The following QTGAL variants were observed in gnomAD, a reference collection of about 807,000 sequenced individuals.
QTGAL encodes BGnT-like protein 1.
At chr17:82,976,105 G>A in the QTGAL span, among the ~76,000 whole-genome samples, 29 of 48,014 alleles carry the variant, frequency 6.0e-4, 3 homozygotes, top group Admixed American at 2.4e-3. Context: ...GACAGAGCCC[G>A]ACTCCATCCT....
chr17:83,031,551 C>A, the QTGAL span, among the ~76,000 whole-genome samples: 2 of 152,228 alleles, frequency 1.3e-5, no homozygotes, highest in Non-Finnish European at 2.9e-5. Flanking sequence ...CACCCCTCTG[C>A]CCCTTAGGAA....
chr17:82,983,279 C>A, the QTGAL span, among the ~76,000 whole-genome samples: 3,609 of 152,268 alleles, frequency 0.024, 156 homozygotes, highest in African/African-American at 0.083. Context: ...GACTCCATCT[C>A]AAAATATATA....
the QTGAL span, among the ~76,000 whole-genome samples, chr17:82,972,488 C>G: frequency 8.4e-6 from 1 of 119,740 alleles, no homozygotes; most frequent in Non-Finnish European, 1.6e-5. Flanking sequence ...CTAGAAGGAC[C>G]TGGTGCCGAC....
chr17:83,009,176 C>T, the QTGAL span, among the ~76,000 whole-genome samples: 1 of 152,184 alleles, frequency 6.6e-6, no homozygotes, highest in African/African-American at 2.4e-5. Flanking sequence ...GTAATCCCAG[C>T]ACTTTGGAAG....
At chr17:83,025,558 C>T in the QTGAL span, among the ~76,000 whole-genome samples, 1 of 100,426 alleles carries the variant, frequency 1.0e-5, no homozygotes, top group Non-Finnish European at 2.2e-5. Context: ...AGTCCACACA[C>T]GGACACCGCG....
At chr17:83,040,843 A>C in the QTGAL span, among the ~76,000 whole-genome samples, 1 of 152,196 alleles carries the variant, frequency 6.6e-6, no homozygotes, top group African/African-American at 2.4e-5. Flanking sequence ...AGGCAGGCGG[A>C]TCACAAGGTC....
chr17:82,976,244 G>A, the QTGAL span, among the ~76,000 whole-genome samples: 1 of 90,214 alleles, frequency 1.1e-5, no homozygotes, highest in East Asian at 3.5e-4. Context: ...ATCCTCCCAG[G>A]GACCAGAGGC....
chr17:83,050,127 T>C, the QTGAL span, among the ~76,000 whole-genome samples: 3 of 152,112 alleles, frequency 2.0e-5, no homozygotes, highest in Admixed American at 1.3e-4. Flanking sequence ...TCACAGCAGT[T>C]TGGGAGGCCG....
the QTGAL span, among the ~76,000 whole-genome samples, chr17:82,979,588 T>G: frequency 6.6e-6 from 1 of 152,142 alleles, no homozygotes; most frequent in Admixed American, 6.5e-5. Context: ...CACTAAAAAC[T>G]ACAACATGTG....
chr17:82,993,190 A>T, the QTGAL span, among the ~76,000 whole-genome samples: 1 of 152,130 alleles, frequency 6.6e-6, no homozygotes, highest in Non-Finnish European at 1.5e-5. Flanking sequence ...TGAATGGATT[A>T]AAAAACAAGA....
chr17:82,982,254 G>A, the QTGAL span, among the ~76,000 whole-genome samples: 8 of 152,240 alleles, frequency 5.3e-5, no homozygotes, highest in Non-Finnish European at 8.8e-5. Flanking sequence ...GTTCATCTGC[G>A]ACTTTTTTCA....
chr17:82,983,487 G>A, the QTGAL span, among the ~76,000 whole-genome samples: 6 of 152,130 alleles, frequency 3.9e-5, no homozygotes, highest in Non-Finnish European at 7.3e-5. Flanking sequence ...ACTCGGGCAC[G>A]CGTTAGAGAC....
the QTGAL span, among the ~76,000 whole-genome samples, chr17:83,019,218 C>A: frequency 6.6e-6 from 1 of 152,114 alleles, no homozygotes; most frequent in African/African-American, 2.4e-5. Flanking sequence ...ACAATGGAGG[C>A]AGGACAGAGT....
chr17:83,045,991 T>A, the QTGAL span, among the ~76,000 whole-genome samples: 1 of 151,792 alleles, frequency 6.6e-6, no homozygotes, highest in Non-Finnish European at 1.5e-5. Flanking sequence ...TCCAAGCTAA[T>A]TTTTGTATTT....
chr17:82,956,733 G>A, the QTGAL span: 29 of 1,590,164 alleles, frequency 1.8e-5, no homozygotes, highest in Admixed American at 1.8e-4. The surrounding 1 kb of genome is among the most constrained non-coding windows in gnomAD (Gnocchi z 5.7). Context: ...CGGGCGGCTC[G>A]GAAGTGCAGG....
the QTGAL span, among the ~76,000 whole-genome samples, chr17:83,021,541 G>A: frequency 6.6e-6 from 1 of 152,142 alleles, no homozygotes; most frequent in African/African-American, 2.4e-5. Context: ...CACATGGAGA[G>A]ATATACTATG....
At chr17:82,945,366 C>T in the QTGAL span, 1 of 152,144 alleles carries the variant, frequency 6.6e-6, no homozygotes, top group Non-Finnish European at 1.5e-5. Flanking sequence ...ATGCAACAGT[C>T]CCCAGATACA....
At chr17:82,966,333 G>A in the QTGAL span, among the ~76,000 whole-genome samples, 27 of 152,118 alleles carry the variant, frequency 1.8e-4, no homozygotes, top group Non-Finnish European at 3.5e-4. Flanking sequence ...GGGATTACAG[G>A]TGTGAGCCAT....
chr17:82,978,675 T>C, the QTGAL span: 1 of 152,206 alleles, frequency 6.6e-6, no homozygotes, highest in African/African-American at 2.4e-5. The surrounding 1 kb of genome is among the most constrained non-coding windows in gnomAD (Gnocchi z 4.8). Flanking sequence ...GTTAATTTAC[T>C]TCCTTCTATT....
Sources: gnomAD v4.1 joint callset for allele counts (sites outside exome capture counted in the v4.1 genomes callset) on GRCh38, gnomAD v4.1.1 for gene constraint, Gnocchi (gnomAD v3.1) non-coding constraint, MANE v1.5 for transcripts, NCBI Gene and HGNC (gene_info 2026-07-23, HGNC 2026-07-21) for gene names.